RLN2: variants seen among roughly 807,000 people sequenced by gnomAD.
RLN2 encodes prorelaxin H2.
Under a neutral mutation model 7.3 loss-of-function variants are expected in RLN2, and 10 were observed. That is an observed-to-expected ratio of 1.36 (90% confidence interval 0.84 to 2.31). The LOEUF (loss-of-function observed/expected upper bound fraction) is 2.31. RLN2 is among the 30% of genes most tolerant of loss of function. The pLI is 0.00. For synonymous variants in RLN2, 103 were observed against 82.3 expected, an observed-to-expected ratio of 1.25 and a Z score of -1.36; for missense variants, 298 against 217.6, an observed-to-expected ratio of 1.37 and a Z score of -2.32.
chr9:5,328,172 T>A, the RLN2 span, among the ~76,000 whole-genome samples: 2 of 152,090 alleles, frequency 1.3e-5, no homozygotes, highest in African/African-American at 4.8e-5. Flanking sequence ...GAAAAAAAGT[T>A]AGACGAATGG....
the RLN2 span, among the ~76,000 whole-genome samples, chr9:5,331,813 T>C: frequency 6.6e-6 from 1 of 151,990 alleles, no homozygotes; most frequent in Admixed American, 6.6e-5. Context: ...ACTTAAAGTA[T>C]AATAAACAAA....
At chr9:5,307,503 C>T (rs1013641816), upstream of RLN2, among the ~76,000 whole-genome samples, 3 of 151,776 alleles carry the variant, frequency 2.0e-5, no homozygotes, top group African/African-American at 7.3e-5. Context: ...CTTTGTACCA[C>T]TGAAAGAGGA....
the RLN2 span, among the ~76,000 whole-genome samples, chr9:5,336,493 T>A: frequency 6.6e-6 from 1 of 152,180 alleles, no homozygotes; most frequent in African/African-American, 2.4e-5. Context: ...TCCATCTTTG[T>A]ACCCATTCAG....
Position 5,304,452 on chromosome 9 carries a change from C to G in RLN2, c.129G>C (p.Gln43His). 1 of 1,613,334 alleles carries G rather than the reference C, an allele frequency of 6.2e-7. No homozygotes were observed. Among genetic ancestry groups the G allele is most frequent in the Non-Finnish European group, 8.5e-7 (1 of 1,179,810 alleles). Residue 43 changes from glutamine to histidine, a missense_variant, in exon 1 of 2, where the codon CAG (glutamine) becomes CAC (histidine). Physicochemically the swap from Gln to His is conservative, Grantham distance 24. Coordinates refer to ENST00000381627, the MANE Select transcript of RLN2 (RefSeq NM_134441.3). ...KLCGRELVRA[Q>H]IAICGMSTWS... ...AGGTGCTCATGCCGCAAATGGCAAT[C>G]TGCGCGCGAACTAATTCGCGGCCGC...
At chr9:5,300,477 G>A (rs774880093) in intron 1 of RLN2, 33 bp from the exon 2 acceptor site, 9 of 1,437,700 alleles carry the variant, frequency 6.3e-6, no homozygotes, top group Non-Finnish European at 8.6e-6. Context: ...TGTATGTGAG[G>A]GTATATTCAT....
upstream of RLN2, among the ~76,000 whole-genome samples, chr9:5,307,306 TAGATGATA>T (rs1369228668): frequency 6.2e-4 from 91 of 146,888 alleles, 1 homozygote; most frequent in South Asian, 3.0e-3. Flanking sequence ...GATAGATAGA[TAGATGATA>T]GATAGATAGT....
upstream of RLN2, chr9:5,304,970 G>A (rs1816216803): frequency 5.1e-6 from 1 of 197,580 alleles, no homozygotes; most frequent in Non-Finnish European, 1.1e-5. Context: ...ACAAATTTGA[G>A]ATCACCCATA....
At chr9:5,334,037 T>G in the RLN2 span, among the ~76,000 whole-genome samples, 3 of 152,008 alleles carry the variant, frequency 2.0e-5, no homozygotes, top group African/African-American at 7.3e-5. Flanking sequence ...ATAAGAGCCA[T>G]TTATGACAAA....
the RLN2 span, chr9:5,335,330 T>C: frequency 8.1e-6 from 13 of 1,612,420 alleles, no homozygotes; most frequent in Non-Finnish European, 1.1e-5. Flanking sequence ...GGGTCGTCTC[T>C]TTTTTTGAGA....
At chr9:5,325,059 C>T in the RLN2 span, among the ~76,000 whole-genome samples, 5 of 152,066 alleles carry the variant, frequency 3.3e-5, no homozygotes, top group South Asian at 4.2e-4. Flanking sequence ...GATCTTAAGA[C>T]AGTTGGCTTA....
upstream of RLN2, among the ~76,000 whole-genome samples, chr9:5,305,402 C>CAGAGAG (rs3834385): frequency 7.1e-5 from 8 of 112,258 alleles, no homozygotes; most frequent in East Asian, 5.3e-4. Context: ...CACACACACA[C>CAGAGAG]AGAGAGAGAG....
At chr9:5,312,028 G>A in the RLN2 span, among the ~76,000 whole-genome samples, 6 of 151,810 alleles carry the variant, frequency 4.0e-5, no homozygotes, top group Non-Finnish European at 7.4e-5. Flanking sequence ...TTTAAGCTAT[G>A]TTGTTAGCAC....
the RLN2 span, among the ~76,000 whole-genome samples, chr9:5,313,363 T>C: frequency 6.6e-6 from 1 of 152,112 alleles, no homozygotes; most frequent in African/African-American, 2.4e-5. Flanking sequence ...AATGTCTATT[T>C]TTCCTGATTT....
At chr9:5,332,740 C>A in the RLN2 span, among the ~76,000 whole-genome samples, 1 of 151,530 alleles carries the variant, frequency 6.6e-6, no homozygotes, top group Admixed American at 6.6e-5. Flanking sequence ...CTCAGCCTCC[C>A]GAGTAGCTGG....
At chr9:5,321,890 T>G in the RLN2 span, among the ~76,000 whole-genome samples, 2 of 152,098 alleles carry the variant, frequency 1.3e-5, no homozygotes, top group Non-Finnish European at 2.9e-5. Flanking sequence ...GTTTGTGAGC[T>G]TGCTCCTCTT....
upstream of RLN2, among the ~76,000 whole-genome samples, chr9:5,305,971 G>C (rs186983736): frequency 6.6e-6 from 1 of 151,808 alleles, no homozygotes; most frequent in African/African-American, 2.4e-5. Context: ...TTTGAGAGAG[G>C]CCTCTCAAAA....
At chr9:5,332,773 T>G in the RLN2 span, among the ~76,000 whole-genome samples, 4 of 151,676 alleles carry the variant, frequency 2.6e-5, no homozygotes, top group African/African-American at 9.7e-5. Context: ...ACACCACCAC[T>G]CCTGGCTAAT....
chr9:5,325,203 A>C, the RLN2 span, among the ~76,000 whole-genome samples: 1 of 152,030 alleles, frequency 6.6e-6, no homozygotes, highest in Admixed American at 6.6e-5. Flanking sequence ...TGTCATTTGC[A>C]AGTATACAAG....
chr9:5,307,271 G>GGATAGATAGATA (rs148888922), upstream of RLN2, among the ~76,000 whole-genome samples: 47 of 143,584 alleles, frequency 3.3e-4, no homozygotes, highest in African/African-American at 4.3e-4. Context: ...GATAGATAGA[G>GGATAGATAGATA]GATAGATAGA....
Sources: gnomAD v4.1 joint callset for allele counts (sites outside exome capture counted in the v4.1 genomes callset) on GRCh38, gnomAD v4.1.1 for gene constraint, MANE v1.5 for transcripts, NCBI Gene and HGNC (gene_info 2026-07-23, HGNC 2026-07-21) for gene names.